The following ANKRD61 variants were observed in gnomAD, a reference collection of about 807,000 sequenced individuals.
The protein encoded by ANKRD61 is ankyrin repeat domain-containing protein 61.
In ANKRD61, 7 loss-of-function variants were observed where a neutral mutation model predicts 8.4. The observed-to-expected ratio is 0.84, with a 90% confidence interval of 0.48 to 1.57. The LOEUF is 1.57. Among genes scored for constraint, ANKRD61 ranks in the 40% most tolerant of loss-of-function variants. The pLI, the probability that ANKRD61 is intolerant of heterozygous loss-of-function variation, is 0.00. For synonymous variants in ANKRD61, 198 were observed against 208.0 expected, an observed-to-expected ratio of 0.95 and a Z score of 0.41; for missense variants, 516 against 523.4, an observed-to-expected ratio of 0.99 and a Z score of 0.14.
Position 6,033,044 on chromosome 7 carries a change from C to T in ANKRD61, c.314+108C>T. 1 of 885,672 alleles carries T rather than the reference C, an allele frequency of 1.1e-6. No homozygotes were observed. Among genetic ancestry groups the T allele is most frequent in the Middle Eastern group, 3.3e-4 (1 of 3,024 alleles). 54.9% of individuals were successfully genotyped at this position (885,672 alleles called of 1,614,324 possible). On this transcript the variant is annotated intron_variant, in intron 2 of 2. Coordinates refer to ENST00000409061, the MANE Select transcript of ANKRD61 (RefSeq NM_001271700.2). This position sits in a 1 kb window ranked among gnomAD's most constrained non-coding sequence, Gnocchi z 4.4. ...AGTGCAATGGCACAATCTCGCCTCA[C>T]TGCAACCTCTACTTCCTGGGTTCAA...
Position 6,032,778 on chromosome 7 carries a change from C to A in ANKRD61, c.217-61C>A. ...TATTGCCTTTGAAACGGCAAGCTAA[C>A]ACAAACAGTATTTTTAACTACACAG... On this transcript the variant is annotated intron_variant, in intron 1 of 2. Coordinates refer to ENST00000409061, the MANE Select transcript of ANKRD61 (RefSeq NM_001271700.2). This position sits in a 1 kb window ranked among gnomAD's most constrained non-coding sequence, Gnocchi z 4.3. The A allele has an allele frequency of 1.4e-6, 2 of 1,385,126 alleles. No homozygotes were observed. The highest frequency in any genetic ancestry group is 2.0e-6 in the Non-Finnish European group (2 of 1,001,588). 85.8% of individuals were successfully genotyped at this position (1,385,126 alleles called of 1,614,324 possible). A position where few individuals can be genotyped will look rare whatever the true frequency, so the allele number is the denominator to read the frequency against.
At chr7:6,034,887 C>T (rs1788030843) in intron 2 of ANKRD61, among the ~76,000 whole-genome samples, 2 of 152,152 alleles carry the variant, frequency 1.3e-5, no homozygotes, top group South Asian at 4.1e-4. Flanking sequence ...GTCACTTCTG[C>T]TCCCTACACA....
At position 6,036,510 on chromosome 7, in the gene ANKRD61, A is replaced by C. The variant is rs899014801; in HGVS notation, c.*124A>C. 3.6e-6 allele frequency: 2 copies of C among 558,286 alleles called. No individual in the cohort carries two copies. Among genetic ancestry groups the C allele is most frequent in the Non-Finnish European group, 5.7e-6 (2 of 353,286 alleles). The allele number at this position is 558,286 out of a possible 1,614,324, so 34.6% of individuals were successfully genotyped here. ...GACATCCCAAATGTACAAACTACTG[A>C]TTCTTGAACATGTTCCAAAATACAA... On this transcript the variant is annotated 3_prime_UTR_variant, in exon 3 of 3. Coordinates refer to ENST00000409061, the MANE Select transcript of ANKRD61 (RefSeq NM_001271700.2). The surrounding 1 kb of genome is among the most constrained non-coding windows in gnomAD (Gnocchi z 4.6).
In ANKRD61 at chr7:6,033,553, G is replaced by C. The variant is rs886725990; in HGVS notation, c.314+617G>C. ...AAGTTTAACCACCAAAGTTAGGTGTGAAAAATAAAATATAGGTAGACAATG... is the reference window on the plus strand; with the variant it reads ...AAGTTTAACCACCAAAGTTAGGTGTCAAAAATAAAATATAGGTAGACAATG... On this transcript the variant is annotated intron_variant, in intron 2 of 2. Coordinates refer to ENST00000409061, the MANE Select transcript of ANKRD61 (RefSeq NM_001271700.2). This position sits in a 1 kb window ranked among gnomAD's most constrained non-coding sequence, Gnocchi z 4.4. 6.6e-6 allele frequency among the ~76,000 whole-genome samples: 1 copy of C among 152,066 alleles called. No homozygotes were observed. The highest frequency in any genetic ancestry group is 1.5e-5 in the Non-Finnish European group (1 of 68,008).
At chr7:6,034,486 C>G (rs958969570) in intron 2 of ANKRD61, among the ~76,000 whole-genome samples, 1 of 152,028 alleles carries the variant, frequency 6.6e-6, no homozygotes, top group Non-Finnish European at 1.5e-5. Context: ...TTAGGGGACC[C>G]TTTCCTACCC....
rs1199218533 is a variant in ANKRD61, at chr7:6,033,581, TTTTC to T, written c.314+649_314+652del. Among the ~76,000 whole-genome samples the T allele has an allele frequency of 1.3e-5, 2 of 151,852 alleles. No individual in the cohort carries two copies. Among genetic ancestry groups the T allele is most frequent in the Non-Finnish European group, 2.9e-5 (2 of 67,976 alleles). ...AAATAAAATATAGGTAGACAATGGA[TTTTC>T]TTTATTTTTGGTTTTTGTTTTTTGA... is the stretch of plus-strand genomic sequence containing the variant. On this transcript the variant is annotated intron_variant, in intron 2 of 2. Transcript: ENST00000409061. This position sits in a 1 kb window ranked among gnomAD's most constrained non-coding sequence, Gnocchi z 4.4.
In ANKRD61 at chr7:6,035,312, T is replaced by C; in HGVS notation, c.315-132T>C. ...CTGAGAAACTACCCAGCGATACAGA[T>C]TTTGAAACACGTCCTTAAGGTAATT... On this transcript the variant is annotated intron_variant, in intron 2 of 2. Coordinates refer to ENST00000409061, the MANE Select transcript of ANKRD61 (RefSeq NM_001271700.2). The surrounding 1 kb of genome is among the most constrained non-coding windows in gnomAD (Gnocchi z 5.5). 1 of 950,848 alleles carries C rather than the reference T, an allele frequency of 1.1e-6. No individual in the cohort carries two copies. The highest frequency in any genetic ancestry group is 2.9e-5 in the Admixed American group (1 of 34,626). The allele number at this position is 950,848 out of a possible 1,614,324, so 58.9% of individuals were successfully genotyped here.
At chr7:6,034,559 T>C (rs1788020432) in intron 2 of ANKRD61, among the ~76,000 whole-genome samples, 1 of 152,158 alleles carries the variant, frequency 6.6e-6, no homozygotes, top group Non-Finnish European at 1.5e-5. Flanking sequence ...GCTTCCACTA[T>C]TTACTGAGCT....
At position 6,036,326 on chromosome 7, in the gene ANKRD61, C is replaced by A. The variant is rs1272104458; in HGVS notation, c.1197C>A (p.Phe399Leu). The part of the protein sequence containing the change: ...GEKYKQHLKQ[F>L]LPVTIWNSVY... ...AATACAAACAGCACTTGAAGCAATT[C>A]CTCCCAGTGACAATATGGAATTCTG... The change falls in exon 3 of 3, where the codon TTC becomes TTA. Residue 399 changes from phenylalanine (F) to leucine (L), a missense_variant. By Grantham distance (22) the Phe-to-Leu change is conservative (BLOSUM62 0). Transcript: ENST00000409061. This position sits in a 1 kb window ranked among gnomAD's most constrained non-coding sequence, Gnocchi z 4.6. 1.9e-6 allele frequency: 3 copies of A among 1,541,098 alleles called. No individual in the cohort carries two copies. The South Asian group carries it at 3.6e-5, about 19-fold the overall frequency.
chr7:6,032,058 C>A lies in ANKRD61; in HGVS notation c.216+467C>A, dbSNP rs1448209280. ...GCTTGGTGGCAGGAGCCTGTAATCTCAGCTACTCGGACGGCTGAGGCAGGA... is the reference window on the plus strand; with the variant it reads ...GCTTGGTGGCAGGAGCCTGTAATCTAAGCTACTCGGACGGCTGAGGCAGGA... On this transcript the variant is annotated intron_variant, in intron 1 of 2. Coordinates refer to ENST00000409061, the MANE Select transcript of ANKRD61 (RefSeq NM_001271700.2). This position sits in a 1 kb window ranked among gnomAD's most constrained non-coding sequence, Gnocchi z 4.3. Among the ~76,000 whole-genome samples the A allele has an allele frequency of 1.3e-5, 2 of 152,090 alleles. No individual in the cohort carries two copies. The highest frequency in any genetic ancestry group is 2.9e-5 in the Non-Finnish European group (2 of 68,026).
In ANKRD61 at chr7:6,033,849, G is replaced by A. The variant is rs1787986252; in HGVS notation, c.314+913G>A. Among the ~76,000 whole-genome samples the A allele has an allele frequency of 6.6e-6, 1 of 151,872 alleles. No individual in the cohort carries two copies. The highest frequency in any genetic ancestry group is 2.1e-4 in the South Asian group (1 of 4,824). On this transcript the variant is annotated intron_variant, in intron 2 of 2. Transcript: ENST00000409061. The surrounding 1 kb of genome is among the most constrained non-coding windows in gnomAD (Gnocchi z 4.4). ...CTCCCAAAGTGCTGGGATTACAGGCGTGAGCCGCCGTGCCTGGCCGACAAT... is the reference window on the plus strand; with the variant it reads ...CTCCCAAAGTGCTGGGATTACAGGCATGAGCCGCCGTGCCTGGCCGACAAT...
Position 6,032,687 on chromosome 7 carries a change from A to T in ANKRD61, c.217-152A>T, listed in dbSNP as rs1395837131. On this transcript the variant is annotated intron_variant, in intron 1 of 2. Transcript: ENST00000409061. This position sits in a 1 kb window ranked among gnomAD's most constrained non-coding sequence, Gnocchi z 4.3. ...TGAATTTTGATCATTTAAAACAGGT[A>T]GTAGAAAGGAAACTTTCAATGCACA... 8.5e-5 allele frequency among the ~76,000 whole-genome samples: 13 copies of T among 152,276 alleles called. No homozygotes were observed.
In ANKRD61 at chr7:6,032,737, A is replaced by C; in HGVS notation, c.217-102A>C. On this transcript the variant is annotated intron_variant, in intron 1 of 2. Coordinates refer to ENST00000409061, the MANE Select transcript of ANKRD61 (RefSeq NM_001271700.2). The surrounding 1 kb of genome is among the most constrained non-coding windows in gnomAD (Gnocchi z 4.3). The stretch of plus-strand genomic sequence containing the variant: ...ATACCAGAAAAAGAGTGAGCCAATG[A>C]GACACTAAATAAATGTATTGCCTTT... The C allele has an allele frequency of 1.1e-6, 1 of 898,128 alleles. No homozygotes were observed. The allele number at this position is 898,128 out of a possible 1,614,324, so 55.6% of individuals were successfully genotyped here.
rs903085045 is a variant in ANKRD61 at position 6,033,984 on chromosome 7, T to TA, written c.314+1049dup. Reference sequence around the variant, plus strand: ...CTCAACCAAATCAATGCCTGACACTTAGCACGTGCTCAGTAATACTATCCG... The same window carrying TA: ...CTCAACCAAATCAATGCCTGACACTTAAGCACGTGCTCAGTAATACTATCCG... On this transcript the variant is annotated intron_variant, in intron 2 of 2. Transcript: ENST00000409061. This position sits in a 1 kb window ranked among gnomAD's most constrained non-coding sequence, Gnocchi z 4.4. 1.3e-5 allele frequency among the ~76,000 whole-genome samples: 2 copies of TA among 151,846 alleles called. No homozygotes were observed. The highest frequency in any genetic ancestry group is 4.8e-5 in the African/African-American group (2 of 41,314).
chr7:6,032,860 A>G lies in ANKRD61; in HGVS notation c.238A>G (p.Ile80Val). The G allele has an allele frequency of 1.9e-6, 3 of 1,550,920 alleles. No homozygotes were observed. ...AAAGCCGACAGAGTCTATCATCCCCATCCATCTGGCTGCCAAGTACCACAA... is the reference window on the plus strand; with the variant it reads ...AAAGCCGACAGAGTCTATCATCCCCGTCCATCTGGCTGCCAAGTACCACAA... ...LTQPTESIIP[I>V]HLAAKYHKAQ... The change falls in exon 2 of 3, where the codon ATC (isoleucine) becomes GTC (valine). Residue 80 changes from isoleucine to valine, a missense_variant. By Grantham distance (29) the Ile-to-Val change is conservative (BLOSUM62 3). Transcript: ENST00000409061. This position sits in a 1 kb window ranked among gnomAD's most constrained non-coding sequence, Gnocchi z 4.3.
chr7:6,034,897 A>G (rs1292996033), intron 2 of ANKRD61, among the ~76,000 whole-genome samples: 3 of 151,994 alleles, frequency 2.0e-5, no homozygotes, highest in Non-Finnish European at 4.4e-5. Context: ...CTCCCTACAC[A>G]CTCACGCAGA....
chr7:6,031,954 A>G (rs1583479203), intron 1 of ANKRD61, among the ~76,000 whole-genome samples: 1 of 152,156 alleles, frequency 6.6e-6, no homozygotes, highest in Non-Finnish European at 1.5e-5. Flanking sequence ...TGGGTGGATC[A>G]CCTGAGGTCA....
rs867975463 is a variant in ANKRD61, at chr7:6,036,187, G to C, written c.1058G>C (p.Gly353Ala). ...AATAACCAAGGAATTCTACCTGCAGGAATCATGCTACCAGAATTCCGCCTC... is the reference window on the plus strand; with the variant it reads ...AATAACCAAGGAATTCTACCTGCAGCAATCATGCTACCAGAATTCCGCCTC... Reference protein sequence around the residue: ...MTNNQGILPAGIMLPEFRLLR... With the variant: ...MTNNQGILPAAIMLPEFRLLR... Residue 353 changes from glycine (G) to alanine (A), a missense_variant, in exon 3 of 3, where the codon GGA becomes GCA. Physicochemically the swap from Gly to Ala is moderately conservative, Grantham distance 60 (BLOSUM62 0). Coordinates refer to ENST00000409061, the MANE Select transcript of ANKRD61 (RefSeq NM_001271700.2). This position sits in a 1 kb window ranked among gnomAD's most constrained non-coding sequence, Gnocchi z 4.6. 3 of 1,549,582 alleles carry C rather than the reference G, an allele frequency of 1.9e-6. No individual in the cohort carries two copies. In the African/African-American group the frequency reaches 4.1e-5, roughly 21 times the overall value.
chr7:6,033,705 G>A lies in ANKRD61; in HGVS notation c.314+769G>A, dbSNP rs571686760. On this transcript the variant is annotated intron_variant, in intron 2 of 2. Coordinates refer to ENST00000409061, the MANE Select transcript of ANKRD61 (RefSeq NM_001271700.2). The surrounding 1 kb of genome is among the most constrained non-coding windows in gnomAD (Gnocchi z 4.4). The stretch of plus-strand genomic sequence containing the variant: ...CTGCCTCAGCCTCCCAAGTAGCTGG[G>A]ACTACAGGCGCCTGCCACCACGCCT... Among the ~76,000 whole-genome samples the A allele has an allele frequency of 1.6e-3, 247 of 152,074 alleles. No individual in the cohort carries two copies. Among genetic ancestry groups the A allele is most frequent in the Non-Finnish European group, 3.0e-3 (202 of 67,958 alleles).
Sources: gnomAD v4.1 joint callset for allele counts (sites outside exome capture counted in the v4.1 genomes callset) on GRCh38, gnomAD v4.1.1 for gene constraint, Gnocchi (gnomAD v3.1) non-coding constraint, MANE v1.5 for transcripts, NCBI Gene and HGNC (gene_info 2026-07-23, HGNC 2026-07-21) for gene names.